The following FHOD3 variants were observed in gnomAD, a reference collection of about 807,000 sequenced individuals.
FHOD3 encodes formin homology 2 domain containing 3.
In FHOD3, 90 loss-of-function variants were observed where a neutral mutation model predicts 173.0. That is an observed-to-expected ratio of 0.52 (90% CI 0.44 to 0.62). The LOEUF (loss-of-function observed/expected upper bound fraction) is 0.62. FHOD3 is among the 20% of genes least tolerant of loss of function. The pLI is 0.00. For synonymous variants in FHOD3, 828 were observed against 823.0 expected (o/e 1.01, Z -0.10); for missense variants, 1,945 against 2,034.7 (o/e 0.96, Z 0.85).
At chr18:36,677,605 T>C (rs574495013) in intron 14 of FHOD3, among the ~76,000 whole-genome samples, 1 of 152,332 alleles carries the variant, frequency 6.6e-6, no homozygotes, top group African/African-American at 2.4e-5. Context: ...CATTCGTCCA[T>C]GTTTTCATTT....
chr18:36,551,764 C>T (rs2057667052), intron 5 of FHOD3, among the ~76,000 whole-genome samples: 2 of 152,276 alleles, frequency 1.3e-5, no homozygotes, highest in South Asian at 4.1e-4. Context: ...ATCCTTTCCC[C>T]ATTTCTTGTT....
At position 36,546,574 on chromosome 18, in the gene FHOD3, G is replaced by A. The variant is rs151027717; in HGVS notation, c.512-29877G>A. Among the ~76,000 whole-genome samples the A allele has an allele frequency of 6.6e-4, 100 of 152,218 alleles. 1 individual carries two copies. The highest frequency in any genetic ancestry group is 1.2e-3 in the Non-Finnish European group (80 of 68,004). ...GACTCTAGGAAGTTCCCCTTGTTCCGTATCCAGCACCAGGAAGGGAGGGTG... is the reference window on the plus strand; with the variant it reads ...GACTCTAGGAAGTTCCCCTTGTTCCATATCCAGCACCAGGAAGGGAGGGTG... On this transcript the variant is annotated intron_variant, in intron 5 of 28. Transcript: ENST00000590592.
rs1199122347 is a variant in FHOD3 at position 36,693,008 on chromosome 18, G to A, written c.2022-201G>A. 5.0e-6 allele frequency: 3 copies of A among 604,672 alleles called. No homozygotes were observed. In the Admixed American group the frequency reaches 8.8e-5, roughly 18 times the overall value. 37.5% of individuals were successfully genotyped at this position (604,672 alleles called of 1,614,324 possible). A position where few individuals can be genotyped will look rare whatever the true frequency, so the allele number is the denominator to read the frequency against. ...GCTGCCATTTCCCCCAATTTGCTTG[G>A]TTATGAGTGACGTGGGATTTTTAAT... On this transcript the variant is annotated intron_variant, in intron 16 of 28. Transcript: ENST00000590592.
At chr18:36,324,282 G>A (rs73949428) in intron 1 of FHOD3, among the ~76,000 whole-genome samples, 7,877 of 152,242 alleles carry the variant, frequency 0.052, 423 homozygotes, top group African/African-American at 0.13. Flanking sequence ...AAGCCCCTAG[G>A]AGATAACAAA....
At chr18:36,467,984 G>A (rs558895763) in intron 3 of FHOD3, among the ~76,000 whole-genome samples, 1 of 152,350 alleles carries the variant, frequency 6.6e-6, no homozygotes, top group South Asian at 2.1e-4. Flanking sequence ...ACAGTCTGAA[G>A]GCAGACGGTA....
chr18:36,338,575 C>T (rs2045444462), intron 1 of FHOD3, among the ~76,000 whole-genome samples: 1 of 152,216 alleles, frequency 6.6e-6, no homozygotes, highest in South Asian at 2.1e-4. Context: ...GCCCAATATT[C>T]TGCTGCCAGC....
intron 7 of FHOD3, among the ~76,000 whole-genome samples, chr18:36,601,752 C>T (rs2148475118): frequency 6.6e-6 from 1 of 152,336 alleles, no homozygotes; most frequent in Non-Finnish European, 1.5e-5. Context: ...TGTCGCAAAC[C>T]ACCAAGCCAA....
intron 5 of FHOD3, among the ~76,000 whole-genome samples, chr18:36,561,769 T>C (rs2058089386): frequency 6.6e-6 from 1 of 152,148 alleles, no homozygotes; most frequent in African/African-American, 2.4e-5. Context: ...AATTTAGAGC[T>C]AACAGAGATG....
chr18:36,621,153 A>T (rs1490769984), intron 9 of FHOD3, among the ~76,000 whole-genome samples: 3 of 152,182 alleles, frequency 2.0e-5, no homozygotes, highest in Non-Finnish European at 4.4e-5. Context: ...AAAAGAAAAT[A>T]TTTTGTCAGA....
At chr18:36,698,860 T>C (rs567604101) in intron 17 of FHOD3, among the ~76,000 whole-genome samples, 3 of 152,314 alleles carry the variant, frequency 2.0e-5, no homozygotes, top group African/African-American at 7.2e-5. Flanking sequence ...GTGATGTGAA[T>C]AGGGCCCAGT....
At chr18:36,681,997 A>T (rs1298274635) in intron 15 of FHOD3, among the ~76,000 whole-genome samples, 1 of 152,136 alleles carries the variant, frequency 6.6e-6, no homozygotes, top group Admixed American at 6.5e-5. Context: ...AATCTTCAAT[A>T]TTTTTTGTAA....
intron 9 of FHOD3, among the ~76,000 whole-genome samples, chr18:36,624,399 A>G (rs901044811): frequency 6.6e-6 from 1 of 152,246 alleles, no homozygotes; most frequent in East Asian, 1.9e-4. Context: ...TCTAGTTGAC[A>G]CCAAAACTTG....
chr18:36,595,248 G>A (rs561087635), intron 7 of FHOD3, among the ~76,000 whole-genome samples: 5 of 151,850 alleles, frequency 3.3e-5, no homozygotes, highest in African/African-American at 4.8e-5. Context: ...TCCCCTCTAC[G>A]CTTCATTGCT....
intron 5 of FHOD3, among the ~76,000 whole-genome samples, chr18:36,535,043 A>G (rs2056938776): frequency 6.6e-6 from 1 of 152,094 alleles, no homozygotes; most frequent in South Asian, 2.1e-4. Context: ...TGTTCCTTCA[A>G]ACTCCATGCC....
At chr18:36,650,877 C>T (rs1387919950) in intron 11 of FHOD3, among the ~76,000 whole-genome samples, 1 of 152,166 alleles carries the variant, frequency 6.6e-6, no homozygotes, top group African/African-American at 2.4e-5. Context: ...TTATCTTATG[C>T]CTGGAAGAGT....
intron 3 of FHOD3, among the ~76,000 whole-genome samples, chr18:36,392,255 G>A (rs990627203): frequency 2.6e-5 from 4 of 152,196 alleles, no homozygotes; most frequent in Non-Finnish European, 5.9e-5. Flanking sequence ...AGTAAGCACT[G>A]TGCATGGGGT....
chr18:36,470,880 G>A (rs543588097), intron 3 of FHOD3, among the ~76,000 whole-genome samples: 130 of 152,258 alleles, frequency 8.5e-4, no homozygotes, highest in Non-Finnish European at 1.7e-3. Context: ...TTAATGGTAA[G>A]TAACCCGCAG....
chr18:36,311,498 T>G (rs952930275), intron 1 of FHOD3, among the ~76,000 whole-genome samples: 6 of 152,178 alleles, frequency 3.9e-5, no homozygotes, highest in African/African-American at 1.4e-4. Flanking sequence ...CAGTAGCACC[T>G]CCCTCATGGG....
chr18:36,428,117 C>T (rs1009323373), intron 3 of FHOD3, among the ~76,000 whole-genome samples: 1 of 152,102 alleles, frequency 6.6e-6, no homozygotes, highest in Non-Finnish European at 1.5e-5. Context: ...TAGCCTCTGC[C>T]AGGAACATTG....
Sources: allele counts gnomAD v4.1 joint callset (sites outside exome capture counted in the v4.1 genomes callset), GRCh38; gene constraint gnomAD v4.1.1; transcripts MANE v1.5; gene names NCBI Gene and HGNC (gene_info 2026-07-23, HGNC 2026-07-21).